RIC8B: variants seen among roughly 807,000 people sequenced by gnomAD.
RIC8B encodes the protein RIC8 guanine nucleotide exchange factor B, also known as chaperone Ric-8B.
In RIC8B, 16 loss-of-function variants were observed where a neutral mutation model predicts 57.5. The observed-to-expected ratio is 0.28, with a 90% CI of 0.19 to 0.42. The LOEUF (loss-of-function observed/expected upper bound fraction) is 0.42. Ranked by LOEUF, RIC8B falls within the 10% of genes least tolerant of loss-of-function variation. RIC8B has a pLI of 1.00. For missense variants in RIC8B, 481 were observed against 677.0 expected (o/e 0.71, Z 3.21); for synonymous variants, 216 against 250.8 (o/e 0.86, Z 1.31).
chr12:106,849,192 A>G (rs554272336), intron 6 of RIC8B, among the ~76,000 whole-genome samples: 3 of 152,260 alleles, frequency 2.0e-5, no homozygotes, highest in African/African-American at 7.2e-5. Context: ...ATTATTATGT[A>G]TGGTATACCT....
chr12:106,830,842 A>C (rs2046323493), intron 4 of RIC8B, among the ~76,000 whole-genome samples: 3 of 152,194 alleles, frequency 2.0e-5, no homozygotes, highest in Non-Finnish European at 4.4e-5. Flanking sequence ...AGGAAAGCTA[A>C]ATAACAATTC....
chr12:106,873,073 C>G (rs370165426), intron 9 of RIC8B: 18 of 985,248 alleles, frequency 1.8e-5, no homozygotes, highest in Middle Eastern at 1.0e-3. Context: ...AATAAATATA[C>G]AAACGTCAAG....
chr12:106,804,530 G>A (rs897435418), intron 2 of RIC8B, among the ~76,000 whole-genome samples: 1 of 152,206 alleles, frequency 6.6e-6, no homozygotes, highest in African/African-American at 2.4e-5. Context: ...TATTATACCA[G>A]TTTTACAGGT....
At chr12:106,873,949 T>C (rs1950556464) in intron 9 of RIC8B, among the ~76,000 whole-genome samples, 1 of 152,228 alleles carries the variant, frequency 6.6e-6, no homozygotes, top group South Asian at 2.1e-4. Flanking sequence ...ATACTACTTA[T>C]TTCTTCTAAA....
intron 8 of RIC8B, among the ~76,000 whole-genome samples, chr12:106,864,257 GT>G (rs1304439145): frequency 9.9e-5 from 15 of 152,030 alleles, no homozygotes; most frequent in Non-Finnish European, 1.8e-4. Flanking sequence ...TTGTTGCATG[GT>G]TTTTTTAGTT....
intron 9 of RIC8B, among the ~76,000 whole-genome samples, chr12:106,882,424 C>T (rs550738994): frequency 1.3e-5 from 2 of 152,232 alleles, no homozygotes; most frequent in African/African-American, 2.4e-5. Context: ...TTCACTATAC[C>T]ACAATAACAA....
intron 2 of RIC8B, among the ~76,000 whole-genome samples, chr12:106,790,120 T>G (rs2136190879): frequency 6.6e-6 from 1 of 152,324 alleles, no homozygotes; most frequent in South Asian, 2.1e-4. Context: ...GAGGCTCATA[T>G]GAATGACAGC....
chr12:106,820,946 C>T (rs2045813060), intron 3 of RIC8B, among the ~76,000 whole-genome samples: 1 of 152,172 alleles, frequency 6.6e-6, no homozygotes, highest in Non-Finnish European at 1.5e-5. Flanking sequence ...TCTTCCTTTG[C>T]CCTTCATCCT....
rs2046499788 is a variant in RIC8B, at chr12:106,834,604, C to G, written c.837-7985C>G. On this transcript the variant is annotated intron_variant, in intron 4 of 9. Coordinates refer to ENST00000392837, the MANE Select transcript of RIC8B (RefSeq NM_001330145.2). ...CATGGGGAGCATTTGATTTATGGTTCAGGTCTGGGTACCAATGTCAATTCA... is the reference window on the plus strand; with the variant it reads ...CATGGGGAGCATTTGATTTATGGTTGAGGTCTGGGTACCAATGTCAATTCA... 3.3e-5 allele frequency among the ~76,000 whole-genome samples: 5 copies of G among 152,070 alleles called. No homozygotes were observed. The South Asian group carries it at 1.0e-3, about 32-fold the overall frequency.
chr12:106,826,939 T>C (rs2046131033), intron 4 of RIC8B, among the ~76,000 whole-genome samples: 2 of 152,106 alleles, frequency 1.3e-5, no homozygotes, highest in South Asian at 4.1e-4. Flanking sequence ...CTGGATGTGG[T>C]GGCGCACGCC....
intron 1 of RIC8B, among the ~76,000 whole-genome samples, chr12:106,780,280 T>C (rs1000441811): frequency 2.6e-5 from 4 of 151,884 alleles, no homozygotes; most frequent in African/African-American, 9.7e-5. Context: ...ACATAGCAAA[T>C]TCCAGCAGCA....
At chr12:106,869,044 T>G (rs75971858) in intron 8 of RIC8B, among the ~76,000 whole-genome samples, 1,605 of 152,172 alleles carry the variant, frequency 0.011, 8 homozygotes, top group Non-Finnish European at 0.016. Flanking sequence ...AAAGGGACTC[T>G]ACGCCCCTAT....
chr12:106,794,158 A>G (rs2044374852), intron 2 of RIC8B, among the ~76,000 whole-genome samples: 1 of 152,264 alleles, frequency 6.6e-6, no homozygotes, highest in South Asian at 2.1e-4. Flanking sequence ...ATAAAGTACA[A>G]TAACTGAAAT....
At chr12:106,792,132 T>A (rs1418311007) in intron 2 of RIC8B, among the ~76,000 whole-genome samples, 1 of 152,216 alleles carries the variant, frequency 6.6e-6, no homozygotes, top group East Asian at 1.9e-4. Flanking sequence ...ATACCAAAAG[T>A]ACATCTAAAC....
rs939802589 is a variant in RIC8B, at chr12:106,887,183, T to C, written c.*1168T>C. On this transcript the variant is annotated 3_prime_UTR_variant, in exon 10 of 10. Transcript: ENST00000392837. ...GGTTTCCTGTATATATATGTATGTA[T>C]ATACACACGTACATACATTCATATA... 1.3e-5 allele frequency: 2 copies of C among 152,512 alleles called. No homozygotes were observed. The highest frequency in any genetic ancestry group is 4.8e-5 in the African/African-American group (2 of 41,404). 9.4% of individuals were successfully genotyped at this position (152,512 alleles called of 1,614,324 possible). A position where few individuals can be genotyped will look rare whatever the true frequency, so the allele number is the denominator to read the frequency against.
intron 3 of RIC8B, chr12:106,822,772 A>G (rs2045910485): frequency 6.6e-6 from 1 of 152,314 alleles, no homozygotes; most frequent in African/African-American, 2.4e-5. Flanking sequence ...ACATACTTCA[A>G]ATAGCACTGC....
chr12:106,875,783 T>C, intron 9 of RIC8B, among the ~76,000 whole-genome samples: 1 of 152,142 alleles, frequency 6.6e-6, no homozygotes, highest in Admixed American at 6.5e-5. Flanking sequence ...ATAAGTGTTT[T>C]GTTTTTTTTG....
At chr12:106,815,708 A>G (rs898085345) in intron 3 of RIC8B, among the ~76,000 whole-genome samples, 3 of 152,210 alleles carry the variant, frequency 2.0e-5, no homozygotes, top group Admixed American at 6.5e-5. Context: ...GATCAAGCCA[A>G]TTGAAGTTGA....
chr12:106,825,133 A>G (rs1445460683), intron 3 of RIC8B, among the ~76,000 whole-genome samples: 4 of 152,206 alleles, frequency 2.6e-5, no homozygotes, highest in Non-Finnish European at 5.9e-5. Context: ...AAACCAAATG[A>G]GTATTCAGGG....
Sources: allele counts gnomAD v4.1 joint callset (sites outside exome capture counted in the v4.1 genomes callset), GRCh38; gene constraint gnomAD v4.1.1; transcripts MANE v1.5; gene names NCBI Gene and HGNC (gene_info 2026-07-23, HGNC 2026-07-21).